PCDH9: variants seen among roughly 807,000 people sequenced by gnomAD.
PCDH9 encodes the protein protocadherin-9.
Under a neutral mutation model 70.6 loss-of-function variants are expected in PCDH9, and 24 were observed. That is an observed-to-expected ratio of 0.34 (90% CI 0.25 to 0.48). The LOEUF is 0.48. Ranked by LOEUF, PCDH9 falls within the 20% of genes least tolerant of loss-of-function variation. PCDH9 has a pLI of 0.99. For missense variants in PCDH9, 1,281 were observed against 1,503.6 expected (o/e 0.85, Z 2.45); for synonymous variants, 562 against 558.5 (o/e 1.01, Z -0.09).
chr13:66,790,896 C>A (rs2139318384), intron 3 of PCDH9, among the ~76,000 whole-genome samples: 1 of 152,190 alleles, frequency 6.6e-6, no homozygotes, highest in East Asian at 1.9e-4. Flanking sequence ...TTATCTTAGC[C>A]AGCTAATGTT....
chr13:66,575,199 T>A (rs1172258586), intron 4 of PCDH9, among the ~76,000 whole-genome samples: 2 of 151,970 alleles, frequency 1.3e-5, no homozygotes, highest in African/African-American at 4.8e-5. Flanking sequence ...ATATATATAT[T>A]TATTGTTGTT....
chr13:66,664,947 C>T (rs2078072658), intron 3 of PCDH9, among the ~76,000 whole-genome samples: 1 of 152,142 alleles, frequency 6.6e-6, no homozygotes, highest in Non-Finnish European at 1.5e-5. Flanking sequence ...CCCTGTCCTG[C>T]TAGTCCCTAC....
chr13:66,699,925 T>C (rs991462370), intron 3 of PCDH9, among the ~76,000 whole-genome samples: 1 of 71,828 alleles, frequency 1.4e-5, no homozygotes, highest in South Asian at 5.6e-4. Context: ...TTAGGCTGAT[T>C]TTTTTTTTTA....
intron 3 of PCDH9, among the ~76,000 whole-genome samples, chr13:66,748,950 T>G (rs754311538): frequency 6.6e-6 from 1 of 152,172 alleles, no homozygotes. Flanking sequence ...GCTGTTCTCA[T>G]GATAATGAGT....
chr13:66,327,662 A>T (rs934908177), intron 4 of PCDH9, among the ~76,000 whole-genome samples: 14 of 152,182 alleles, frequency 9.2e-5, no homozygotes, highest in Non-Finnish European at 1.8e-4. Context: ...AGGAGTGGAC[A>T]TTGGAGGTCT....
chr13:66,863,369 T>C (rs1046387288), intron 3 of PCDH9, among the ~76,000 whole-genome samples: 1 of 152,188 alleles, frequency 6.6e-6, no homozygotes, highest in Non-Finnish European at 1.5e-5. Context: ...CAGCAAATAA[T>C]AAATGATCAT....
chr13:66,432,143 C>T (rs183185138), intron 4 of PCDH9, among the ~76,000 whole-genome samples: 6 of 151,924 alleles, frequency 3.9e-5, no homozygotes, highest in East Asian at 3.9e-4. Context: ...TATAAGAAAA[C>T]GTTAGCAACT....
At chr13:66,874,609 A>G (rs1159992701) in intron 3 of PCDH9, among the ~76,000 whole-genome samples, 1 of 152,162 alleles carries the variant, frequency 6.6e-6, no homozygotes, top group Non-Finnish European at 1.5e-5. Context: ...AGTAACAATT[A>G]TATTACAAAA....
rs959634138 is a variant in PCDH9 at position 66,679,615 on chromosome 13, T to A, written c.3139-48204A>T. Among the ~76,000 whole-genome samples the A allele has an allele frequency of 7.2e-5, 11 of 151,998 alleles. No individual in the cohort carries two copies. The East Asian group carries it at 1.7e-3, about 24-fold the overall frequency. Reference sequence around the variant, plus strand: ...AAAGGTTTAGGTTAGAATTAATGTATCTGAAACCTTTTTGTATGAATATAG... The same window carrying A: ...AAAGGTTTAGGTTAGAATTAATGTAACTGAAACCTTTTTGTATGAATATAG... On this transcript the variant is annotated intron_variant, in intron 3 of 4. Coordinates refer to ENST00000377865, the MANE Select transcript of PCDH9 (RefSeq NM_203487.3).
At chr13:66,328,951 T>A (rs952102077) in intron 4 of PCDH9, among the ~76,000 whole-genome samples, 1 of 152,196 alleles carries the variant, frequency 6.6e-6, no homozygotes, top group Non-Finnish European at 1.5e-5. Context: ...TTTTAATGTG[T>A]CAGTTTTTAA....
intron 3 of PCDH9, among the ~76,000 whole-genome samples, chr13:66,839,977 C>G (rs1317753712): frequency 6.6e-6 from 1 of 152,152 alleles, no homozygotes; most frequent in African/African-American, 2.4e-5. Context: ...CTTCATGAGA[C>G]TTTTGCCTAA....
intron 3 of PCDH9, among the ~76,000 whole-genome samples, chr13:66,677,608 T>G (rs1397388294): frequency 1.3e-5 from 2 of 152,072 alleles, no homozygotes; most frequent in East Asian, 3.9e-4. Flanking sequence ...TGGCACTTCC[T>G]TCCCCATGCT....
chr13:66,551,441 A>G (rs1961485411), intron 4 of PCDH9, among the ~76,000 whole-genome samples: 1 of 152,204 alleles, frequency 6.6e-6, no homozygotes, highest in South Asian at 2.1e-4. Flanking sequence ...GCAGGTGGCA[A>G]CATAGGGGAA....
intron 4 of PCDH9, among the ~76,000 whole-genome samples, chr13:66,368,774 A>G (rs1452482794): frequency 6.6e-6 from 1 of 152,064 alleles, no homozygotes. Flanking sequence ...CATGGCTGGG[A>G]GGCCTTATAA....
intron 3 of PCDH9, among the ~76,000 whole-genome samples, chr13:66,718,039 A>G (rs1341222538): frequency 3.9e-5 from 6 of 152,196 alleles, no homozygotes; most frequent in Admixed American, 6.5e-5. Flanking sequence ...GAAAAAGGGT[A>G]CATTGATTTT....
At chr13:66,421,458 A>T (rs375121004) in intron 4 of PCDH9, among the ~76,000 whole-genome samples, 18 of 152,092 alleles carry the variant, frequency 1.2e-4, no homozygotes, top group African/African-American at 4.3e-4. Context: ...AGGGAAGCCC[A>T]TCAGACTAAC....
At chr13:66,802,000 T>TTGTA (rs201106857) in intron 3 of PCDH9, among the ~76,000 whole-genome samples, 4,647 of 40,462 alleles carry the variant, frequency 0.11, 220 homozygotes, top group African/African-American at 0.2. Flanking sequence ...GTTTTTCTGT[T>TTGTA]TGTTTGTTTG....
chr13:66,693,083 T>C (rs935757219), intron 3 of PCDH9, among the ~76,000 whole-genome samples: 4 of 152,104 alleles, frequency 2.6e-5, no homozygotes, highest in Admixed American at 1.3e-4. Context: ...ATAAGGTGCA[T>C]TTATCAAGAT....
chr13:66,425,193 A>G (rs1957647485), intron 4 of PCDH9, among the ~76,000 whole-genome samples: 1 of 151,858 alleles, frequency 6.6e-6, no homozygotes, highest in African/African-American at 2.4e-5. Flanking sequence ...TGTCAAACAA[A>G]TAACATTTGA....
Sources: gnomAD v4.1 joint callset for allele counts (sites outside exome capture counted in the v4.1 genomes callset) on GRCh38, gnomAD v4.1.1 for gene constraint, MANE v1.5 for transcripts, NCBI Gene and HGNC (gene_info 2026-07-23, HGNC 2026-07-21) for gene names.